The following SGIP1 variants were observed in gnomAD, a reference collection of about 807,000 sequenced individuals.
SGIP1 encodes the protein SH3GL interacting endocytic adaptor 1, also known as SH3-containing GRB2-like protein 3-interacting protein 1.
A neutral mutation model predicts 107.5 loss-of-function variants in SGIP1; 38 were observed. That is an observed-to-expected ratio of 0.35 (90% CI 0.27 to 0.46). The LOEUF is 0.46. Among genes scored for constraint, SGIP1 ranks in the 20% least tolerant of loss-of-function variants. The pLI, the probability that SGIP1 is intolerant of heterozygous loss-of-function variation, is 1.00. For missense variants in SGIP1, 929 were observed against 1,019.5 expected, an observed-to-expected ratio of 0.91 and a Z score of 1.21; for synonymous variants, 365 against 366.1, an observed-to-expected ratio of 1.00 and a Z score of 0.03.
intron 17 of SGIP1, chr1:66,694,352 C>T (rs2090450637): frequency 1.8e-6 from 2 of 1,107,474 alleles, no homozygotes; most frequent in Non-Finnish European, 2.6e-6. Context: ...TCCTGTGTTT[C>T]AATCAGTAAA....
intron 14 of SGIP1, 93 bp downstream of exon 14, chr1:66,679,845 T>C: frequency 8.6e-7 from 1 of 1,168,690 alleles, no homozygotes; most frequent in Admixed American, 3.2e-5. Context: ...AACTGTAGGC[T>C]ACACAAAAAC....
At chr1:66,719,520 G>T (rs2093418145) in intron 19 of SGIP1, 115 bp downstream of exon 19, 1 of 613,858 alleles carries the variant, frequency 1.6e-6, no homozygotes, top group African/African-American at 1.8e-5. Context: ...AATTCAGTTA[G>T]CAATAGTAGA....
At chr1:66,550,977 C>A (rs1455909271) in intron 1 of SGIP1, among the ~76,000 whole-genome samples, 2 of 152,098 alleles carry the variant, frequency 1.3e-5, no homozygotes, top group East Asian at 3.9e-4. Context: ...AGGGGCAGAA[C>A]AATGGCATTC....
In SGIP1 at chr1:66,690,327, TCTC is replaced by T. The variant is rs1245257087; in HGVS notation, c.1570+15_1570+17del. ...CCACTCCCACAGTTGGTAAAAATTC[TCTC>T]CTCTCTTTTAATCCGTTTGTGGTTT... On this transcript the variant is annotated intron_variant, in intron 17 of 24. Transcript: ENST00000371037. 1.2e-6 allele frequency: 2 copies of T among 1,613,976 alleles called. No individual in the cohort carries two copies. The highest frequency in any genetic ancestry group is 2.2e-5 in the South Asian group (2 of 91,072).
intron 7 of SGIP1, among the ~76,000 whole-genome samples, chr1:66,658,800 A>T (rs1025602759): frequency 1.4e-4 from 21 of 152,240 alleles, no homozygotes; most frequent in Admixed American, 2.0e-4. Context: ...ATATTTGTTT[A>T]TTATTTTGAA....
At chr1:66,537,545 C>T (rs1053477290) in intron 1 of SGIP1, among the ~76,000 whole-genome samples, 3 of 152,112 alleles carry the variant, frequency 2.0e-5, no homozygotes, top group African/African-American at 7.2e-5. Flanking sequence ...TCCTTGTTCA[C>T]GTAGGCCCAA....
intron 1 of SGIP1, among the ~76,000 whole-genome samples, chr1:66,584,568 T>C (rs1432822476): frequency 6.6e-6 from 1 of 152,126 alleles, no homozygotes; most frequent in Non-Finnish European, 1.5e-5. Flanking sequence ...TCTTCTTTTT[T>C]CATGAACTAG....
At chr1:66,545,674 A>G (rs1002707181) in intron 1 of SGIP1, among the ~76,000 whole-genome samples, 4 of 100,856 alleles carry the variant, frequency 4.0e-5, no homozygotes, top group African/African-American at 1.5e-4. Flanking sequence ...GTGTGTATAC[A>G]TACAGAGAGA....
intron 22 of SGIP1, among the ~76,000 whole-genome samples, chr1:66,739,875 C>T (rs886656820): frequency 6.6e-6 from 1 of 152,158 alleles, no homozygotes; most frequent in Non-Finnish European, 1.5e-5. Context: ...GCTGTAATTC[C>T]GATCCTAGGA....
intron 1 of SGIP1, among the ~76,000 whole-genome samples, chr1:66,570,271 A>G (rs1421239688): frequency 6.6e-6 from 1 of 151,834 alleles, no homozygotes; most frequent in African/African-American, 2.4e-5. Flanking sequence ...CATCCTAGGA[A>G]CTTTTTGAAA....
At chr1:66,609,333 G>A (rs2067485635) in intron 1 of SGIP1, among the ~76,000 whole-genome samples, 1 of 152,174 alleles carries the variant, frequency 6.6e-6, no homozygotes, top group African/African-American at 2.4e-5. Flanking sequence ...CCATTTCTGA[G>A]CCAGCTTGGG....
At chr1:66,590,620 C>A (rs993499164) in intron 1 of SGIP1, 6 of 152,086 alleles carry the variant, frequency 3.9e-5, no homozygotes, top group African/African-American at 1.4e-4. Flanking sequence ...AATGAATAAA[C>A]CCCGATACAT....
intron 4 of SGIP1, among the ~76,000 whole-genome samples, chr1:66,639,064 G>A (rs2076300825): frequency 6.6e-6 from 1 of 152,112 alleles, no homozygotes; most frequent in Non-Finnish European, 1.5e-5. Flanking sequence ...GTTGTACTAG[G>A]GGACAAAGAA....
intron 20 of SGIP1, 79 bp downstream of exon 20, chr1:66,729,498 C>A: frequency 6.5e-7 from 1 of 1,537,738 alleles, no homozygotes; most frequent in Non-Finnish European, 8.9e-7. Flanking sequence ...TATATCTTAG[C>A]AACAGGGTCG....
chr1:66,700,050 G>A (rs1431194581), intron 18 of SGIP1, among the ~76,000 whole-genome samples: 1 of 151,586 alleles, frequency 6.6e-6, no homozygotes, highest in Non-Finnish European at 1.5e-5. Flanking sequence ...GATAATGTAA[G>A]TAACTTTCAC....
intron 12 of SGIP1, among the ~76,000 whole-genome samples, chr1:66,675,336 C>T (rs1250924874): frequency 6.6e-6 from 1 of 152,074 alleles, no homozygotes; most frequent in East Asian, 1.9e-4. Context: ...GAGATACACA[C>T]CCAGACCTGT....
chr1:66,667,874 G>A (rs752914507), intron 9 of SGIP1, among the ~76,000 whole-genome samples: 36 of 152,112 alleles, frequency 2.4e-4, no homozygotes, highest in Admixed American at 4.6e-4. Context: ...AAGTACCATA[G>A]AAGTTGATAG....
At chr1:66,676,913 T>G in intron 12 of SGIP1, 91 bp from the exon 13 acceptor site, 1 of 980,520 alleles carries the variant, frequency 1.0e-6, no homozygotes, top group Non-Finnish European at 1.5e-6. Flanking sequence ...AAAATAATTT[T>G]GTAAAGCTCA....
In SGIP1 at chr1:66,741,296, T is replaced by A. The variant is rs1299668755; in HGVS notation, c.2324T>A (p.Phe775Tyr). ...GGGGTGGGTTCTTTGTTGGCAAGAT[T>A]TCAGTTATCTGAAGGCCCAAGCAAA... ...NGGVGSLLAR[F>Y]QLSEGPSKPS... Residue 775 changes from phenylalanine to tyrosine, a missense_variant, in exon 24 of 25, where the codon TTT becomes TAT. Physicochemically the swap from Phe to Tyr is conservative, Grantham distance 22. Transcript: ENST00000371037. 6.3e-7 allele frequency: 1 copy of A among 1,596,908 alleles called. No individual in the cohort carries two copies. The highest frequency in any genetic ancestry group is 8.5e-7 in the Non-Finnish European group (1 of 1,172,638).
Sources: gnomAD v4.1 joint callset for allele counts (sites outside exome capture counted in the v4.1 genomes callset) on GRCh38, gnomAD v4.1.1 for gene constraint, MANE v1.5 for transcripts, NCBI Gene and HGNC (gene_info 2026-07-23, HGNC 2026-07-21) for gene names.